CTNND2: variants seen among roughly 807,000 people sequenced by gnomAD.
The protein encoded by CTNND2 is catenin delta-2.
A neutral mutation model predicts 144.4 loss-of-function variants in CTNND2; 22 were observed. The ratio of observed to expected loss-of-function variants is 0.15; its 90% CI spans 0.11 to 0.22. CTNND2 has a LOEUF of 0.22. Ranked by LOEUF, CTNND2 falls within the 10% of genes least tolerant of loss-of-function variation. The pLI is 1.00. For missense variants in CTNND2, 1,353 were observed against 1,618.8 expected (o/e 0.84, Z 2.82); for synonymous variants, 751 against 695.6 (o/e 1.08, Z -1.25).
chr5:11,146,948 G>A (rs1033254465), intron 12 of CTNND2, among the ~76,000 whole-genome samples: 3 of 152,178 alleles, frequency 2.0e-5, no homozygotes, highest in Non-Finnish European at 4.4e-5. Flanking sequence ...AAGATTTTAT[G>A]AACAACCAGG....
In CTNND2 at chr5:11,033,332, T is replaced by C. The variant is rs78753916; in HGVS notation, c.2789-10353A>G. ...CCCAAGAGTTTGCTGGGGATTCTTC[T>C]GTTGTATGTGTATAAACATTTTCTG... On this transcript the variant is annotated intron_variant, in intron 16 of 21. Transcript: ENST00000304623. 5.2e-3 allele frequency among the ~76,000 whole-genome samples: 798 copies of C among 152,362 alleles called. 8 individuals are homozygous for C. Among genetic ancestry groups the C allele is most frequent in the African/African-American group, 0.017 (708 of 41,588 alleles).
At chr5:11,208,690 G>T (rs1424780135) in intron 10 of CTNND2, among the ~76,000 whole-genome samples, 2 of 152,036 alleles carry the variant, frequency 1.3e-5, no homozygotes, top group African/African-American at 2.4e-5. Context: ...AAACAAAAAA[G>T]CACTAGGGGG....
intron 2 of CTNND2, among the ~76,000 whole-genome samples, chr5:11,662,257 A>G (rs186947451): frequency 2.6e-4 from 35 of 135,116 alleles, no homozygotes; most frequent in African/African-American, 8.4e-4. Context: ...ATATGTGTGT[A>G]TATATGTGTG....
intron 1 of CTNND2, among the ~76,000 whole-genome samples, chr5:11,806,741 A>G (rs1369485304): frequency 9.2e-5 from 14 of 152,162 alleles, no homozygotes; most frequent in Admixed American, 9.2e-4. Context: ...ATTTATATAT[A>G]TAACACTGAG....
chr5:11,744,293 G>GC (rs1214091197), intron 1 of CTNND2, among the ~76,000 whole-genome samples: 3 of 152,182 alleles, frequency 2.0e-5, no homozygotes, highest in African/African-American at 7.2e-5. Context: ...CCTGAGCTCT[G>GC]CCCCAGGCAA....
chr5:11,558,669 G>A (rs971075933), intron 3 of CTNND2, among the ~76,000 whole-genome samples: 1 of 152,152 alleles, frequency 6.6e-6, no homozygotes, highest in Non-Finnish European at 1.5e-5. Context: ...TGGCCTGTGA[G>A]AATATATTGG....
chr5:11,197,431 T>C (rs1561006249), intron 11 of CTNND2, among the ~76,000 whole-genome samples: 1 of 152,288 alleles, frequency 6.6e-6, no homozygotes, highest in East Asian at 1.9e-4. Context: ...CACATGCTGA[T>C]GAAAACACAG....
At chr5:11,548,135 T>C (rs1775415505) in intron 3 of CTNND2, among the ~76,000 whole-genome samples, 1 of 152,054 alleles carries the variant, frequency 6.6e-6, no homozygotes, top group South Asian at 2.1e-4. Flanking sequence ...AAGCAAGGTG[T>C]AAAGAACACA....
chr5:11,895,649 A>C (rs1468372521), intron 1 of CTNND2, among the ~76,000 whole-genome samples: 4 of 126,766 alleles, frequency 3.2e-5, no homozygotes, highest in Non-Finnish European at 7.0e-5. Flanking sequence ...TTTAACTTCA[A>C]GCTTTAGAAT....
At chr5:11,511,115 C>T (rs1771602696) in intron 3 of CTNND2, among the ~76,000 whole-genome samples, 1 of 152,166 alleles carries the variant, frequency 6.6e-6, no homozygotes, top group African/African-American at 2.4e-5. Context: ...TGTGGCATTT[C>T]ATGTTGTCTT....
intron 2 of CTNND2, among the ~76,000 whole-genome samples, chr5:11,698,071 T>A (rs1431644384): frequency 6.6e-6 from 1 of 152,108 alleles, no homozygotes; most frequent in African/African-American, 2.4e-5. Flanking sequence ...AGAGATTGCA[T>A]AATGGGGTAA....
chr5:11,112,176 C>A (rs573516818), intron 13 of CTNND2, among the ~76,000 whole-genome samples: 3 of 152,240 alleles, frequency 2.0e-5, no homozygotes, highest in African/African-American at 4.8e-5. Flanking sequence ...CTGGAACCTG[C>A]GCGTATGTTA....
chr5:11,485,054 T>A (rs1207657041), intron 3 of CTNND2, among the ~76,000 whole-genome samples: 1 of 152,202 alleles, frequency 6.6e-6, no homozygotes, highest in African/African-American at 2.4e-5. Flanking sequence ...TGTGGTTTCA[T>A]GGCAGGTTAC....
intron 9 of CTNND2, among the ~76,000 whole-genome samples, chr5:11,295,246 A>G (rs1189284502): frequency 6.6e-6 from 1 of 152,206 alleles, no homozygotes; most frequent in Non-Finnish European, 1.5e-5. Context: ...CTTCAAAGAG[A>G]ATAAAATACC....
chr5:11,798,880 C>G (rs4337856), intron 1 of CTNND2, among the ~76,000 whole-genome samples: 1 of 152,206 alleles, frequency 6.6e-6, no homozygotes, highest in Admixed American at 6.5e-5. Flanking sequence ...ATGGGCCATA[C>G]AAAACACAGT....
chr5:11,317,501 T>C (rs151245356), intron 9 of CTNND2, among the ~76,000 whole-genome samples: 202 of 152,368 alleles, frequency 1.3e-3, no homozygotes, highest in African/African-American at 4.7e-3. Flanking sequence ...TTTTGAATGC[T>C]GAATATCTTA....
chr5:11,357,944 G>A (rs899355458), intron 8 of CTNND2, among the ~76,000 whole-genome samples: 1 of 152,060 alleles, frequency 6.6e-6, no homozygotes, highest in African/African-American at 2.4e-5. Context: ...GTGTAATTAT[G>A]GTTCCATAGT....
At chr5:11,146,377 C>G (rs765597026) in intron 12 of CTNND2, among the ~76,000 whole-genome samples, 1 of 152,198 alleles carries the variant, frequency 6.6e-6, no homozygotes, top group Non-Finnish European at 1.5e-5. Context: ...CACAAGGCAG[C>G]AGCATCATGG....
chr5:11,739,792 C>T (rs537274261), intron 1 of CTNND2, among the ~76,000 whole-genome samples: 200 of 152,106 alleles, frequency 1.3e-3, no homozygotes, highest in Non-Finnish European at 2.3e-3. Flanking sequence ...ACTTAGAAAA[C>T]CCCATCGTCT....
Sources: allele counts gnomAD v4.1 joint callset (sites outside exome capture counted in the v4.1 genomes callset), GRCh38; gene constraint gnomAD v4.1.1; transcripts MANE v1.5; gene names NCBI Gene and HGNC (gene_info 2026-07-23, HGNC 2026-07-21).